The following TYR variants were observed in gnomAD, a reference collection of about 807,000 sequenced individuals.
The protein encoded by TYR is LB24-AB.
TYR carries 58 observed loss-of-function variants against 51.5 expected under a neutral mutation model. The ratio of observed to expected loss-of-function variants is 1.13; its 90% CI spans 0.91 to 1.40. The LOEUF (loss-of-function observed/expected upper bound fraction) is 1.40. Ranked by LOEUF, TYR falls within the 40% of genes most tolerant of loss-of-function variation. TYR has a pLI of 0.00. For synonymous variants in TYR, 263 were observed against 235.2 expected (o/e 1.12, Z -1.08); for missense variants, 732 against 647.4 (o/e 1.13, Z -1.42).
At chr11:89,250,006 T>A (rs1944313120) in intron 3 of TYR, among the ~76,000 whole-genome samples, 1 of 152,014 alleles carries the variant, frequency 6.6e-6, no homozygotes, top group Admixed American at 6.6e-5. Context: ...TTATTTCTAT[T>A]TTCTGATTCA....
At position 89,286,954 on chromosome 11, in the gene TYR, C is replaced by T. The variant is rs571220827; in HGVS notation, c.1366+2000C>T. On this transcript the variant is annotated intron_variant, in intron 4 of 4. Transcript: ENST00000263321. The stretch of plus-strand genomic sequence containing the variant: ...AGTGTCTGTTTCCATTTCCAAAACA[C>T]GCTAGACTTTCATGGGTTCATGCTT... Among the ~76,000 whole-genome samples, 13 of 151,978 alleles carry T rather than the reference C, an allele frequency of 8.6e-5. No homozygotes were observed. The East Asian group carries it at 1.6e-3, about 18-fold the overall frequency.
At chr11:89,207,548 T>C (rs1943687703) in intron 2 of TYR, among the ~76,000 whole-genome samples, 1 of 152,146 alleles carries the variant, frequency 6.6e-6, no homozygotes, top group African/African-American at 2.4e-5. Context: ...TTTAACAAAT[T>C]AACATAAATT....
intron 2 of TYR, among the ~76,000 whole-genome samples, chr11:89,217,594 G>T (rs1943849145): frequency 6.6e-6 from 1 of 152,152 alleles, no homozygotes; most frequent in Non-Finnish European, 1.5e-5. Context: ...GTGCATCCAG[G>T]AGTTAAGGGA....
chr11:89,192,031 G>A, intron 2 of TYR: 1 of 453,866 alleles, frequency 2.2e-6, no homozygotes, highest in Non-Finnish European at 4.4e-6. Flanking sequence ...GGTTCTTTGA[G>A]GTAAGTTCAT....
At position 89,227,959 on chromosome 11, in the gene TYR, A is replaced by T. The variant is rs1432821895; in HGVS notation, c.1173A>T (p.Ala391=). The change falls in exon 3 of 5, where the codon GCA becomes GCT. Residue 391 remains alanine, a synonymous_variant. Transcript: ENST00000263321. ...ANDPIFLLHH[A]FVDSIFEQWL... is the part of the protein sequence containing the mutation. Reference sequence around the variant, plus strand: ...ATCCTATCTTCCTTCTTCACCATGCATTTGTTGACAGGTTGGTTAATATTT... The same window carrying T: ...ATCCTATCTTCCTTCTTCACCATGCTTTTGTTGACAGGTTGGTTAATATTT... 6.2e-7 allele frequency: 1 copy of T among 1,613,304 alleles called. No homozygotes were observed. The highest frequency in any genetic ancestry group is 8.5e-7 in the Non-Finnish European group (1 of 1,179,638).
chr11:89,252,271 A>G (rs990837099), intron 3 of TYR, among the ~76,000 whole-genome samples: 11 of 151,840 alleles, frequency 7.2e-5, no homozygotes, highest in African/African-American at 2.7e-4. Context: ...TCTATCTCTC[A>G]GAACAGTAAG....
At chr11:89,289,330 T>A (rs1159821154) in intron 4 of TYR, among the ~76,000 whole-genome samples, 3 of 152,030 alleles carry the variant, frequency 2.0e-5, no homozygotes, top group African/African-American at 7.2e-5. Context: ...ATGAATTTGT[T>A]CAATAGCTCT....
chr11:89,273,293 T>C (rs1944612372), intron 3 of TYR, among the ~76,000 whole-genome samples: 1 of 151,834 alleles, frequency 6.6e-6, no homozygotes, highest in African/African-American at 2.4e-5. Flanking sequence ...CATTGTAGGG[T>C]TATTAATTGA....
chr11:89,212,332 T>C (rs1184318082), intron 2 of TYR, among the ~76,000 whole-genome samples: 4 of 151,822 alleles, frequency 2.6e-5, no homozygotes, highest in Admixed American at 2.0e-4. Flanking sequence ...ATCTAGAAAA[T>C]CTAGAAGAAA....
intron 3 of TYR, among the ~76,000 whole-genome samples, chr11:89,229,615 T>C (rs769087723): frequency 1.8e-4 from 27 of 151,990 alleles, no homozygotes; most frequent in Non-Finnish European, 3.7e-4. Context: ...ATATTGTTTC[T>C]GTTTACTGAT....
intron 2 of TYR, among the ~76,000 whole-genome samples, chr11:89,219,655 A>T (rs1943882635): frequency 6.6e-6 from 1 of 152,154 alleles, no homozygotes; most frequent in South Asian, 2.1e-4. Flanking sequence ...CTTACAATCT[A>T]GTAAAAAAAT....
chr11:89,210,177 A>T (rs1234646941), intron 2 of TYR, among the ~76,000 whole-genome samples: 1 of 152,180 alleles, frequency 6.6e-6, no homozygotes, highest in African/African-American at 2.4e-5. Context: ...TCTCCGAGCT[A>T]AAAGGGGATG....
intron 4 of TYR, among the ~76,000 whole-genome samples, chr11:89,291,802 C>T (rs1241316317): frequency 2.0e-4 from 30 of 151,920 alleles, no homozygotes; most frequent in Admixed American, 2.0e-3. Flanking sequence ...ATATTACTAT[C>T]TGTTAATTCA....
intron 2 of TYR, chr11:89,192,104 T>C (rs1943453818): frequency 2.8e-6 from 1 of 361,764 alleles, no homozygotes; most frequent in Admixed American, 3.9e-5. Flanking sequence ...TCCCTTAAGT[T>C]TTCTGTTCTT....
chr11:89,202,106 G>C (rs1014018858), intron 2 of TYR, among the ~76,000 whole-genome samples: 5 of 152,006 alleles, frequency 3.3e-5, no homozygotes, highest in Admixed American at 2.6e-4. Context: ...ATATGTGTGT[G>C]TGTGGAGATA....
chr11:89,270,543 C>T (rs1219431898), intron 3 of TYR, among the ~76,000 whole-genome samples: 1 of 151,820 alleles, frequency 6.6e-6, no homozygotes, highest in Non-Finnish European at 1.5e-5. Flanking sequence ...AGGCACTGTC[C>T]TAACTGATGG....
intron 3 of TYR, among the ~76,000 whole-genome samples, chr11:89,235,821 G>C (rs1565407722): frequency 6.6e-6 from 1 of 152,108 alleles, no homozygotes; most frequent in Non-Finnish European, 1.5e-5. Flanking sequence ...AGATTGCTGA[G>C]AGTAGATTTT....
intron 2 of TYR, among the ~76,000 whole-genome samples, chr11:89,226,687 T>C (rs1368187012): frequency 6.6e-6 from 1 of 152,122 alleles, no homozygotes; most frequent in African/African-American, 2.4e-5. Context: ...GCCAATAAAA[T>C]AGTTCTACTT....
chr11:89,195,392 C>G (rs1165912136), intron 2 of TYR, among the ~76,000 whole-genome samples: 1 of 152,012 alleles, frequency 6.6e-6, no homozygotes, highest in Non-Finnish European at 1.5e-5. Context: ...TAAGAGAGAC[C>G]ACATGGCCGG....
Sources: gnomAD v4.1 joint callset for allele counts (sites outside exome capture counted in the v4.1 genomes callset) on GRCh38, gnomAD v4.1.1 for gene constraint, MANE v1.5 for transcripts, NCBI Gene and HGNC (gene_info 2026-07-23, HGNC 2026-07-21) for gene names.